PLEK2: variants seen among roughly 807,000 people sequenced by gnomAD.
PLEK2 encodes pleckstrin 2, also known as pleckstrin-2.
Under a neutral mutation model 43.8 loss-of-function variants are expected in PLEK2, and 29 were observed. The observed-to-expected ratio is 0.66, with a 90% CI of 0.49 to 0.90. The LOEUF (loss-of-function observed/expected upper bound fraction) is 0.90, where lower values mean the gene tolerates loss of function less well. PLEK2 is among the 40% of genes least tolerant of loss of function. The pLI is 0.00. For synonymous variants in PLEK2, 162 were observed against 173.2 expected, an observed-to-expected ratio of 0.94 and a Z score of 0.51; for missense variants, 398 against 448.1, an observed-to-expected ratio of 0.89 and a Z score of 1.01.
chr14:67,403,660 C>T (rs968679293), intron 1 of PLEK2, among the ~76,000 whole-genome samples: 13 of 152,204 alleles, frequency 8.5e-5, no homozygotes, highest in African/African-American at 2.4e-4. Flanking sequence ...AGATGTACTA[C>T]GTAGACAAGA....
chr14:67,389,739 G>C (rs2085953307), intron 7 of PLEK2, among the ~76,000 whole-genome samples: 1 of 151,480 alleles, frequency 6.6e-6, no homozygotes, highest in Admixed American at 6.6e-5. Context: ...GCTAGACCAT[G>C]GTGAGAGTTA....
chr14:67,410,091 TCTC>T (rs934120303), intron 1 of PLEK2, among the ~76,000 whole-genome samples: 1 of 151,950 alleles, frequency 6.6e-6, no homozygotes, highest in Admixed American at 6.6e-5. Context: ...ATCTGTTGAC[TCTC>T]CTCATTTTCT....
At chr14:67,391,269 ATATG>A (rs1555348788) in intron 6 of PLEK2, among the ~76,000 whole-genome samples, 34 of 139,646 alleles carry the variant, frequency 2.4e-4, no homozygotes, top group African/African-American at 8.5e-4. Flanking sequence ...TAAGCAGCTG[ATATG>A]TGTGTGTGTG....
intron 1 of PLEK2, among the ~76,000 whole-genome samples, chr14:67,404,882 GGATA>G (rs1025006424): frequency 1.3e-5 from 2 of 151,702 alleles, no homozygotes; most frequent in African/African-American, 4.8e-5. Flanking sequence ...ATTTCTGGAG[GGATA>G]CCCCAGAAAT....
Position 67,408,356 on chromosome 14 carries a change from A to T in PLEK2, c.42+3662T>A, listed in dbSNP as rs181726111. ...AAATAAAATAAAATAAAATAAAATAAAAAAAGAAAAAACAAAGATGGGATG... is the reference window on the plus strand; with the variant it reads ...AAATAAAATAAAATAAAATAAAATATAAAAAGAAAAAACAAAGATGGGATG... On this transcript the variant is annotated intron_variant, in intron 1 of 8. Transcript: ENST00000216446. Among the ~76,000 whole-genome samples the T allele has an allele frequency of 5.2e-3, 783 of 150,374 alleles. 15 individuals carry two copies. The highest frequency in any genetic ancestry group is 0.039 in the East Asian group (196 of 5,086).
rs190067507 is a variant in PLEK2, at chr14:67,406,167, A to T, written c.42+5851T>A. Among the ~76,000 whole-genome samples the T allele has an allele frequency of 5.3e-3, 799 of 151,936 alleles. 3 individuals carry two copies. The highest frequency in any genetic ancestry group is 8.3e-3 in the Non-Finnish European group (566 of 67,946). Reference sequence around the variant, plus strand: ...CCAGCTACTCAGGAGGCTGAGACACAAGAATCACTTGAACCCAGGAGGAGG... The same window carrying T: ...CCAGCTACTCAGGAGGCTGAGACACTAGAATCACTTGAACCCAGGAGGAGG... On this transcript the variant is annotated intron_variant, in intron 1 of 8. Transcript: ENST00000216446.
Position 67,412,123 on chromosome 14 carries a change from C to T in PLEK2, c.-64G>A. On this transcript the variant is annotated 5_prime_UTR_variant, in exon 1 of 9. The change creates a new upstream start codon in the 5' untranslated region. Coordinates refer to ENST00000216446, the MANE Select transcript of PLEK2 (RefSeq NM_016445.3). ...TCCCCGCGCCTCGCGCTCCTCGGCA[C>T]CCGCGCAGCCCGCGCAGTCCGCGCC... 3 of 1,329,510 alleles carry T rather than the reference C, an allele frequency of 2.3e-6. No individual in the cohort carries two copies. The highest frequency in any genetic ancestry group is 2.9e-6 in the Non-Finnish European group (3 of 1,019,702). 82.4% of individuals were successfully genotyped at this position (1,329,510 alleles called of 1,614,324 possible). A position where few individuals can be genotyped will look rare whatever the true frequency, so the allele number is the denominator to read the frequency against.
At chr14:67,409,574 C>T (rs112061892) in intron 1 of PLEK2, among the ~76,000 whole-genome samples, 28 of 152,266 alleles carry the variant, frequency 1.8e-4, no homozygotes, top group African/African-American at 5.5e-4. Flanking sequence ...CTCCTGCTCA[C>T]GGCTCATCCC....
intron 2 of PLEK2, among the ~76,000 whole-genome samples, chr14:67,396,170 C>A (rs1051403323): frequency 1.3e-5 from 2 of 151,342 alleles, no homozygotes; most frequent in African/African-American, 2.4e-5. Flanking sequence ...TTTCTTGAGA[C>A]GGAGTCTTGC....
chr14:67,388,464 G>A (rs1941274226), intron 7 of PLEK2, among the ~76,000 whole-genome samples, 162 bp from the exon 8 acceptor site: 1 of 152,216 alleles, frequency 6.6e-6, no homozygotes, highest in South Asian at 2.1e-4. Flanking sequence ...GCATGCATCA[G>A]TAAGGAAGCT....
intron 1 of PLEK2, among the ~76,000 whole-genome samples, chr14:67,409,926 A>G (rs577747160): frequency 6.6e-6 from 1 of 152,252 alleles, no homozygotes; most frequent in East Asian, 1.9e-4. Flanking sequence ...TGGGACCACA[A>G]CAGGGTTCTG....
Position 67,411,916 on chromosome 14 carries a change from C to A in PLEK2, c.42+102G>T, listed in dbSNP as rs1238108781. ...CCACCATGGGGGTTGGGGATGGGAA[C>A]CAGAGCATGCCCGTTCCGGGGCGCG... On this transcript the variant is annotated intron_variant, in intron 1 of 8. Coordinates refer to ENST00000216446, the MANE Select transcript of PLEK2 (RefSeq NM_016445.3). The A allele has an allele frequency of 2.2e-5, 24 of 1,107,914 alleles. 1 individual carries two copies. In the Admixed American group the frequency reaches 6.2e-4, roughly 28 times the overall value. The allele number at this position is 1,107,914 out of a possible 1,614,324, so 68.6% of individuals were successfully genotyped here.
At chr14:67,392,031 TG>T (rs2139845058) in intron 6 of PLEK2, among the ~76,000 whole-genome samples, 1 of 152,310 alleles carries the variant, frequency 6.6e-6, no homozygotes, top group African/African-American at 2.4e-5. Flanking sequence ...AAGACAAATA[TG>T]TGAAGCTGGG....
At chr14:67,395,609 C>G in intron 2 of PLEK2, 26 bp from the exon 3 acceptor site, 1 of 1,610,310 alleles carries the variant, frequency 6.2e-7, no homozygotes, top group Non-Finnish European at 8.5e-7. Context: ...GCCAGTCAGG[C>G]CAGCACTCAG....
chr14:67,398,284 G>A (rs538391559), intron 1 of PLEK2, among the ~76,000 whole-genome samples: 1 of 152,158 alleles, frequency 6.6e-6, no homozygotes, highest in East Asian at 1.9e-4. Flanking sequence ...GAGTACAGTG[G>A]CATGACCTCA....
chr14:67,392,483 A>C (rs990039910), intron 5 of PLEK2, 56 bp from the exon 6 acceptor site: 96 of 1,391,960 alleles, frequency 6.9e-5, no homozygotes, highest in Non-Finnish European at 8.2e-5. Context: ...GGCCCAGGCT[A>C]TGGCGGCTGT....
intron 1 of PLEK2, among the ~76,000 whole-genome samples, chr14:67,409,577 C>T (rs1039781809): frequency 6.6e-6 from 1 of 152,174 alleles, no homozygotes; most frequent in Non-Finnish European, 1.5e-5. Context: ...CTGCTCACGG[C>T]TCATCCCCCA....
At chr14:67,392,931 G>A in intron 4 of PLEK2, 82 bp from the exon 5 acceptor site, 1 of 1,191,654 alleles carries the variant, frequency 8.4e-7, no homozygotes. Flanking sequence ...CACTGACCTT[G>A]GCCCTCTGGG....
chr14:67,406,907 G>A (rs989615196), intron 1 of PLEK2, among the ~76,000 whole-genome samples: 4 of 152,166 alleles, frequency 2.6e-5, no homozygotes, highest in African/African-American at 9.7e-5. Flanking sequence ...TTGTCCCTGG[G>A]CAGAGAGTAG....
Sources: gnomAD v4.1 joint callset for allele counts (sites outside exome capture counted in the v4.1 genomes callset) on GRCh38, gnomAD v4.1.1 for gene constraint, MANE v1.5 for transcripts, NCBI Gene and HGNC (gene_info 2026-07-23, HGNC 2026-07-21) for gene names.